The following JAKMIP1 variants were observed in gnomAD, a reference collection of about 807,000 sequenced individuals.
JAKMIP1 encodes janus kinase and microtubule interacting protein 1.
A neutral mutation model predicts 113.0 loss-of-function variants in JAKMIP1; 33 were observed. That is an observed-to-expected ratio of 0.29 (90% CI 0.22 to 0.39). The LOEUF (loss-of-function observed/expected upper bound fraction) is 0.39. JAKMIP1 is among the 10% of genes least tolerant of loss of function. The pLI is 1.00. For missense variants in JAKMIP1, 813 were observed against 1,080.5 expected, an observed-to-expected ratio of 0.75 and a Z score of 3.47; for synonymous variants, 480 against 459.9, an observed-to-expected ratio of 1.04 and a Z score of -0.56.
rs1041942048 is a variant in JAKMIP1 at position 6,153,878 on chromosome 4, C to G, written c.-147-40881G>C. On this transcript the variant is annotated intron_variant, in intron 1 of 20. Coordinates refer to ENST00000409021, the MANE Select transcript of JAKMIP1 (RefSeq NM_001099433.2). The surrounding 1 kb of genome is among the most constrained non-coding windows in gnomAD (Gnocchi z 4.9). ...TCACCTAAAATCTCACATCGCAACA[C>G]TGGTGAGCACTCTCACTGAGAAATG... Among the ~76,000 whole-genome samples, 10 of 152,194 alleles carry G rather than the reference C, an allele frequency of 6.6e-5. No homozygotes were observed. The highest frequency in any genetic ancestry group is 1.9e-4 in the African/African-American group (8 of 41,446).
chr4:6,042,277 C>G lies in JAKMIP1; in HGVS notation c.2029-50G>C, dbSNP rs1714427765. ...GGTGCAGCAAAGTGAGAGTCAGAAC[C>G]CAAGGGGCTGTGGAATTTCACAGGT... On this transcript the variant is annotated intron_variant, in intron 16 of 20. Coordinates refer to ENST00000409021, the MANE Select transcript of JAKMIP1 (RefSeq NM_001099433.2). This position sits in a 1 kb window ranked among gnomAD's most constrained non-coding sequence, Gnocchi z 5.2. The G allele has an allele frequency of 1.4e-6, 2 of 1,441,898 alleles. No individual in the cohort carries two copies. The highest frequency in any genetic ancestry group is 1.7e-5 in the Admixed American group (1 of 59,488). The allele number at this position is 1,441,898 out of a possible 1,614,324, so 89.3% of individuals were successfully genotyped here. A position where few individuals can be genotyped will look rare whatever the true frequency, so the allele number is the denominator to read the frequency against.
Position 6,064,846 on chromosome 4 carries a change from G to A in JAKMIP1, c.1431+34C>T, listed in dbSNP as rs1297533708. The stretch of plus-strand genomic sequence containing the variant: ...GAGGTGCCGCCCCGAGAGCATCTGG[G>A]GTGAGGTCCCGCCCTCTCTGCAGGT... On this transcript the variant is annotated intron_variant, in intron 9 of 20. Coordinates refer to ENST00000409021, the MANE Select transcript of JAKMIP1 (RefSeq NM_001099433.2). The surrounding 1 kb of genome is among the most constrained non-coding windows in gnomAD (Gnocchi z 4.3). 2.5e-6 allele frequency: 4 copies of A among 1,612,846 alleles called. No homozygotes were observed. Among genetic ancestry groups the A allele is most frequent in the Non-Finnish European group, 3.4e-6 (4 of 1,179,606 alleles).
chr4:6,073,629 C>T (rs992000200), intron 8 of JAKMIP1, among the ~76,000 whole-genome samples: 4 of 152,324 alleles, frequency 2.6e-5, no homozygotes, highest in Admixed American at 2.0e-4. Flanking sequence ...GACACTCTGA[C>T]TTCCTGATAA....
rs560966549 is a variant in JAKMIP1 at position 6,153,718 on chromosome 4, C to T, written c.-147-40721G>A. On this transcript the variant is annotated intron_variant, in intron 1 of 20. Transcript: ENST00000409021. This position sits in a 1 kb window ranked among gnomAD's most constrained non-coding sequence, Gnocchi z 4.9. ...TGACTTTTGAAAAACCTGTACACTA[C>T]TTCAGCCTTATTCTAAGCAAAAATA... Among the ~76,000 whole-genome samples the T allele has an allele frequency of 1.3e-4, 20 of 152,322 alleles. No homozygotes were observed. The highest frequency in any genetic ancestry group is 2.8e-4 in the Non-Finnish European group (19 of 68,030).
Position 6,167,139 on chromosome 4 carries a change from T to G in JAKMIP1, c.-148+33114A>C, listed in dbSNP as rs184131935. On this transcript the variant is annotated intron_variant, in intron 1 of 20. Coordinates refer to ENST00000409021, the MANE Select transcript of JAKMIP1 (RefSeq NM_001099433.2). This position sits in a 1 kb window ranked among gnomAD's most constrained non-coding sequence, Gnocchi z 5.3. ...ATTCTTGAAATCCATCGTCTTCCCC[T>G]AGACCTGCTCCTCCTTCCAGGGCCC... Among the ~76,000 whole-genome samples the G allele has an allele frequency of 2.6e-5, 4 of 152,266 alleles. No individual in the cohort carries two copies. In the East Asian group the frequency reaches 7.7e-4, roughly 29 times the overall value.
In JAKMIP1 at chr4:6,067,716, T is replaced by G. The variant is rs1718354826; in HGVS notation, c.1303-2708A>C. Among the ~76,000 whole-genome samples, 1 of 148,530 alleles carries G rather than the reference T, an allele frequency of 6.7e-6. No individual in the cohort carries two copies. The highest frequency in any genetic ancestry group is 2.5e-5 in the African/African-American group (1 of 39,232). ...CTTCTGCACACACAGGTCACCCCCC[T>G]GAGCTCCACGTTCACTCAAGCTCTT... On this transcript the variant is annotated intron_variant, in intron 8 of 20. Transcript: ENST00000409021. The surrounding 1 kb of genome is among the most constrained non-coding windows in gnomAD (Gnocchi z 4.6).
rs113983857 is a variant in JAKMIP1 at position 6,119,572 on chromosome 4, A to ACAAC, written c.-147-6576_-147-6575insGTTG. ...AAACAAACAAACAACAACAACAACA[A>ACAAC]AAAAAAACCACTCCTGGGACACAGT... On this transcript the variant is annotated intron_variant, in intron 1 of 20. Transcript: ENST00000409021. 4.0e-5 allele frequency among the ~76,000 whole-genome samples: 6 copies of ACAAC among 150,800 alleles called. No individual in the cohort carries two copies. The East Asian group carries it at 5.9e-4, about 15-fold the overall frequency.
At chr4:6,121,286 G>A (rs994388371) in intron 1 of JAKMIP1, among the ~76,000 whole-genome samples, 10 of 151,292 alleles carry the variant, frequency 6.6e-5, no homozygotes, top group Admixed American at 2.0e-4. Flanking sequence ...TGCCAACAAT[G>A]TCCATAGCTT....
At position 6,049,286 on chromosome 4, in the gene JAKMIP1, T is replaced by A. The variant is rs1715368443; in HGVS notation, c.1963-364A>T. On this transcript the variant is annotated intron_variant, in intron 15 of 20. Transcript: ENST00000409021. The surrounding 1 kb of genome is among the most constrained non-coding windows in gnomAD (Gnocchi z 7.0). Reference sequence around the variant, plus strand: ...CCTGACCTCAGGTGATCCGCCAGCCTCAGCCTTCCAAAGTGCTGGGATTAC... The same window carrying A: ...CCTGACCTCAGGTGATCCGCCAGCCACAGCCTTCCAAAGTGCTGGGATTAC... 6.6e-6 allele frequency among the ~76,000 whole-genome samples: 1 copy of A among 152,226 alleles called. No individual in the cohort carries two copies. The highest frequency in any genetic ancestry group is 2.4e-5 in the African/African-American group (1 of 41,456).
rs970804115 is a variant in JAKMIP1, at chr4:6,135,726, C to G, written c.-147-22729G>C. Among the ~76,000 whole-genome samples, 1 of 152,218 alleles carries G rather than the reference C, an allele frequency of 6.6e-6. No homozygotes were observed. Among genetic ancestry groups the G allele is most frequent in the Non-Finnish European group, 1.5e-5 (1 of 68,042 alleles). On this transcript the variant is annotated intron_variant, in intron 1 of 20. Coordinates refer to ENST00000409021, the MANE Select transcript of JAKMIP1 (RefSeq NM_001099433.2). This position sits in a 1 kb window ranked among gnomAD's most constrained non-coding sequence, Gnocchi z 4.9. Reference sequence around the variant, plus strand: ...ATGACAAACCAGAGGCTCTGAGAGCCACAGCCAGCCTGGACTTGAACCCAA... The same window carrying G: ...ATGACAAACCAGAGGCTCTGAGAGCGACAGCCAGCCTGGACTTGAACCCAA...
chr4:6,124,990 A>G (rs1460873744), intron 1 of JAKMIP1, among the ~76,000 whole-genome samples: 2 of 152,154 alleles, frequency 1.3e-5, no homozygotes, highest in Non-Finnish European at 2.9e-5. Flanking sequence ...GAGGCCTAAC[A>G]GGTCAGGGGC....
chr4:6,140,628 C>T lies in JAKMIP1; in HGVS notation c.-147-27631G>A, dbSNP rs1262008571. ...CTGCTCCTGGAGGGGTGGAGAAATACATGATTTTGTTTATCTCCTTTTGAT... is the reference window on the plus strand; with the variant it reads ...CTGCTCCTGGAGGGGTGGAGAAATATATGATTTTGTTTATCTCCTTTTGAT... On this transcript the variant is annotated intron_variant, in intron 1 of 20. Transcript: ENST00000409021. This position sits in a 1 kb window ranked among gnomAD's most constrained non-coding sequence, Gnocchi z 9.4. Among the ~76,000 whole-genome samples the T allele has an allele frequency of 6.6e-6, 1 of 152,148 alleles. No individual in the cohort carries two copies.
At chr4:6,161,293 C>CTGACCTCCACTCATCTCCT (rs201059062) in intron 1 of JAKMIP1, among the ~76,000 whole-genome samples, 1 of 147,428 alleles carries the variant, frequency 6.8e-6, no homozygotes, top group African/African-American at 2.7e-5. Context: ...CACTCAGCTC[C>CTGACCTCCACTCATCTCCT]CTGACCTCCA....
In JAKMIP1 at chr4:6,191,283, C is replaced by G. The variant is rs144560065; in HGVS notation, c.-148+8970G>C. Among the ~76,000 whole-genome samples, 246 of 152,306 alleles carry G rather than the reference C, an allele frequency of 1.6e-3. 7 individuals are homozygous for G. The East Asian group carries it at 0.037, about 23-fold the overall frequency. On this transcript the variant is annotated intron_variant, in intron 1 of 20. Coordinates refer to ENST00000409021, the MANE Select transcript of JAKMIP1 (RefSeq NM_001099433.2). Reference sequence around the variant, plus strand: ...TCCTCACCAGGCCTTCCCGAGGGCTCACAGCCAGAGACACAGCTCCCACCG... The same window carrying G: ...TCCTCACCAGGCCTTCCCGAGGGCTGACAGCCAGAGACACAGCTCCCACCG...
chr4:6,160,608 T>C (rs1463933959), intron 1 of JAKMIP1, among the ~76,000 whole-genome samples: 2 of 151,942 alleles, frequency 1.3e-5, no homozygotes, highest in East Asian at 1.9e-4. Flanking sequence ...CATCCCTCCC[T>C]CCAGGACCCC....
intron 1 of JAKMIP1, among the ~76,000 whole-genome samples, chr4:6,169,972 A>G (rs1724162423): frequency 8.5e-6 from 1 of 117,068 alleles, no homozygotes; most frequent in South Asian, 3.1e-4. Context: ...CACCACCACC[A>G]CCACCACTAC....
chr4:6,115,799 C>T lies in JAKMIP1; in HGVS notation c.-147-2802G>A, dbSNP rs2108896739. The stretch of plus-strand genomic sequence containing the variant: ...AAAGCTGAAGAGAAAGCAAAAGGAC[C>T]ACATCCACAGGAGCAGCCCACCGGC... On this transcript the variant is annotated intron_variant, in intron 1 of 20. Coordinates refer to ENST00000409021, the MANE Select transcript of JAKMIP1 (RefSeq NM_001099433.2). Among the ~76,000 whole-genome samples the T allele has an allele frequency of 1.3e-5, 2 of 152,218 alleles. 1 individual carries two copies. Among genetic ancestry groups the T allele is most frequent in the South Asian group, 4.2e-4 (2 of 4,812 alleles).
chr4:6,139,566 G>A lies in JAKMIP1; in HGVS notation c.-147-26569C>T, dbSNP rs562852404. Among the ~76,000 whole-genome samples the A allele has an allele frequency of 1.5e-4, 23 of 152,176 alleles. No individual in the cohort carries two copies. Among genetic ancestry groups the A allele is most frequent in the African/African-American group, 5.1e-4 (21 of 41,466 alleles). ...GCGGATCACAAAGTCAGGAGTTCGA[G>A]ACCAACCTGGCCAACATAGTGAAAC... On this transcript the variant is annotated intron_variant, in intron 1 of 20. Coordinates refer to ENST00000409021, the MANE Select transcript of JAKMIP1 (RefSeq NM_001099433.2). The surrounding 1 kb of genome is among the most constrained non-coding windows in gnomAD (Gnocchi z 5.2).
In JAKMIP1 at chr4:6,185,518, G is replaced by A. The variant is rs1231219287; in HGVS notation, c.-148+14735C>T. Among the ~76,000 whole-genome samples, 1 of 152,182 alleles carries A rather than the reference G, an allele frequency of 6.6e-6. No individual in the cohort carries two copies. Among genetic ancestry groups the A allele is most frequent in the Non-Finnish European group, 1.5e-5 (1 of 68,032 alleles). Reference sequence around the variant, plus strand: ...AAAAAATTAGCCGGGCGTGGTGGCAGACGCCTGTAGTCCCAGCTACTTGGG... The same window carrying A: ...AAAAAATTAGCCGGGCGTGGTGGCAAACGCCTGTAGTCCCAGCTACTTGGG... On this transcript the variant is annotated intron_variant, in intron 1 of 20. Transcript: ENST00000409021. This position sits in a 1 kb window ranked among gnomAD's most constrained non-coding sequence, Gnocchi z 5.3.
Sources: gnomAD v4.1 joint callset for allele counts (sites outside exome capture counted in the v4.1 genomes callset) on GRCh38, gnomAD v4.1.1 for gene constraint, Gnocchi (gnomAD v3.1) non-coding constraint, MANE v1.5 for transcripts, NCBI Gene and HGNC (gene_info 2026-07-23, HGNC 2026-07-21) for gene names.